EIF4ENIF1: variants seen among roughly 807,000 people sequenced by gnomAD.
EIF4ENIF1 encodes the protein eukaryotic translation initiation factor 4E nuclear import factor 1.
In EIF4ENIF1, 23 loss-of-function variants were observed where a neutral mutation model predicts 110.5. That is an observed-to-expected ratio of 0.21 (90% CI 0.15 to 0.29). EIF4ENIF1 has a LOEUF of 0.29. Ranked by LOEUF, EIF4ENIF1 falls within the 10% of genes least tolerant of loss-of-function variation. The probability of loss-of-function intolerance (pLI) is 1.00; values close to 1 mark genes in which losing one functional copy is unlikely to be tolerated. For missense variants in EIF4ENIF1, 1,031 were observed against 1,221.1 expected (o/e 0.84, Z 2.32); for synonymous variants, 440 against 437.0 (o/e 1.01, Z -0.09).
chr22:31,483,895 G>A (rs1327845813), intron 2 of EIF4ENIF1, among the ~76,000 whole-genome samples: 1 of 152,078 alleles, frequency 6.6e-6, no homozygotes, highest in Non-Finnish European at 1.5e-5. Flanking sequence ...AGACCCTCAG[G>A]GTAACAGGTG....
In EIF4ENIF1 at chr22:31,463,940, T is replaced by C. The variant is rs531392486; in HGVS notation, c.326A>G (p.Asp109Gly). 1 of 1,613,464 alleles carries C rather than the reference T, an allele frequency of 6.2e-7. No homozygotes were observed. The highest frequency in any genetic ancestry group is 2.2e-5 in the East Asian group (1 of 44,876). ...VDPRERVKEDDLDVVLSPQRR... is the reference protein window; with the variant it reads ...VDPRERVKEDGLDVVLSPQRR... ...CTGAGGGCTGAGAACAACATCTAAG[T>C]CATCTTCTTTCACACGCTCTCGTGG... is the stretch of plus-strand genomic sequence containing the variant. The change falls in exon 5 of 19, where the codon GAC becomes GGC. Residue 109 changes from aspartate (D) to glycine (G), a missense_variant. Asp to Gly is a moderately conservative substitution (Grantham distance 94). Transcript: ENST00000330125.
downstream of EIF4ENIF1, chr22:31,437,450 T>TCCCCCCCC (rs368145036): frequency 4.8e-5 from 6 of 125,002 alleles, no homozygotes; most frequent in Admixed American, 8.3e-5. Flanking sequence ...TTTGCCTTCA[T>TCCCCCCCC]CCCCCCCCCA....
Position 31,440,769 on chromosome 22 carries a change from A to ATT in EIF4ENIF1, c.2650_2651insAA (p.Leu884GlnfsTer3). On this transcript the variant is annotated frameshift_variant, in exon 18 of 19. Transcript: ENST00000330125. LOFTEE classifies it high-confidence loss of function. ...AGGTGTTCCAGGACGAGGGTTTAAG[A>ATT]GAGGGTGACTAGCAGCAGGTAAAGG... is the stretch of plus-strand genomic sequence containing the variant. 1 of 1,614,028 alleles carries ATT rather than the reference A, an allele frequency of 6.2e-7. No individual in the cohort carries two copies. The highest frequency in any genetic ancestry group is 8.5e-7 in the Non-Finnish European group (1 of 1,179,890).
chr22:31,446,285 CAAAA>C (rs3068275), intron 14 of EIF4ENIF1, among the ~76,000 whole-genome samples: 9 of 105,674 alleles, frequency 8.5e-5, no homozygotes, highest in Non-Finnish European at 1.8e-5. Context: ...AGATTGTCTC[CAAAA>C]AAAAAAAAAA....
chr22:31,491,825 G>A (rs1359200078), upstream of EIF4ENIF1, among the ~76,000 whole-genome samples: 1 of 152,172 alleles, frequency 6.6e-6, no homozygotes, highest in African/African-American at 2.4e-5. Flanking sequence ...TTACAGGCAT[G>A]AGCCACCACA....
chr22:31,440,599 G>A (rs1002474806), intron 18 of EIF4ENIF1, 105 bp downstream of exon 18: 34 of 1,362,736 alleles, frequency 2.5e-5, no homozygotes, highest in Non-Finnish European at 3.1e-5. Context: ...CTTAGAACAA[G>A]TTAAAGAATG....
rs922652336 is a variant in EIF4ENIF1, at chr22:31,456,369, G to A, written c.964-382C>T. Among the ~76,000 whole-genome samples, 267 of 151,030 alleles carry A rather than the reference G, an allele frequency of 1.8e-3. 2 individuals are homozygous for A. The highest frequency in any genetic ancestry group is 2.4e-3 in the Admixed American group (37 of 15,126). ...CTCCTGAGTAGCTGGGACTACAGGCGCCTGCCACCACGCCCGGCTAATTTT... is the reference window on the plus strand; with the variant it reads ...CTCCTGAGTAGCTGGGACTACAGGCACCTGCCACCACGCCCGGCTAATTTT... On this transcript the variant is annotated intron_variant, in intron 7 of 18. Coordinates refer to ENST00000330125, the MANE Select transcript of EIF4ENIF1 (RefSeq NM_019843.4).
intron 16 of EIF4ENIF1, among the ~76,000 whole-genome samples, chr22:31,442,572 TCA>T (rs2050336134): frequency 6.6e-6 from 1 of 152,184 alleles, no homozygotes; most frequent in African/African-American, 2.4e-5. Flanking sequence ...TAAAAGCCTC[TCA>T]CATATTTTCT....
chr22:31,448,928 A>T (rs1018383709), intron 12 of EIF4ENIF1, among the ~76,000 whole-genome samples: 8 of 149,918 alleles, frequency 5.3e-5, no homozygotes, highest in South Asian at 2.1e-4. Context: ...AGATTTCAAT[A>T]AAAAAAAAAT....
At chr22:31,491,695 T>G (rs886169703), upstream of EIF4ENIF1, among the ~76,000 whole-genome samples, 4 of 152,066 alleles carry the variant, frequency 2.6e-5, no homozygotes, top group Non-Finnish European at 5.9e-5. Flanking sequence ...CTCCTGCCAC[T>G]ACAGCAGGCT....
intron 14 of EIF4ENIF1, among the ~76,000 whole-genome samples, chr22:31,445,450 G>C (rs1454472772): frequency 2.0e-5 from 3 of 152,132 alleles, no homozygotes; most frequent in Non-Finnish European, 4.4e-5. Flanking sequence ...CTTCTTTCTA[G>C]TTAGTACCCC....
At chr22:31,491,902 T>TA (rs141791997), upstream of EIF4ENIF1, among the ~76,000 whole-genome samples, 751 of 152,338 alleles carry the variant, frequency 4.9e-3, 6 homozygotes, top group African/African-American at 0.017. Context: ...TACCTACTGT[T>TA]ACGTAACAAA....
chr22:31,465,441 TA>T lies in EIF4ENIF1; in HGVS notation c.299-1475del, dbSNP rs751243312. Among the ~76,000 whole-genome samples, 106 of 152,234 alleles carry T rather than the reference TA, an allele frequency of 7.0e-4. 1 individual carries two copies. Among genetic ancestry groups the T allele is most frequent in the East Asian group, 2.3e-3 (12 of 5,184 alleles). On this transcript the variant is annotated intron_variant, in intron 4 of 18. Coordinates refer to ENST00000330125, the MANE Select transcript of EIF4ENIF1 (RefSeq NM_019843.4). Reference sequence around the variant, plus strand: ...CATATGAAAAGATACTCAACATAATTAGTCATTAGGGAAATGCAAATTAAAC... The same window carrying T: ...CATATGAAAAGATACTCAACATAATTGTCATTAGGGAAATGCAAATTAAAC...
At chr22:31,484,116 T>TA (rs2051929884) in intron 2 of EIF4ENIF1, among the ~76,000 whole-genome samples, 1 of 152,114 alleles carries the variant, frequency 6.6e-6, no homozygotes, top group Non-Finnish European at 1.5e-5. Flanking sequence ...CCTTGATACT[T>TA]AAAGTATAGT....
In EIF4ENIF1 at chr22:31,489,744, CCCGCTGCCCGCACCGGTCCCAGCG is replaced by C. The variant is rs1408216392; in HGVS notation, c.-102_-79del. On this transcript the variant is annotated 5_prime_UTR_variant, in exon 1 of 19. Transcript: ENST00000330125. Reference sequence around the variant, plus strand: ...CTTTGCCTCGGCCGCCGCTCCCCTCCCCGCTGCCCGCACCGGTCCCAGCGCCGCTCCCCGCAGCCTTCGCTCTCG... The same window carrying C: ...CTTTGCCTCGGCCGCCGCTCCCCTCCCCGCTCCCCGCAGCCTTCGCTCTCG... The C allele has an allele frequency of 6.6e-6, 1 of 152,380 alleles. No individual in the cohort carries two copies. The highest frequency in any genetic ancestry group is 2.0e-4 in the South Asian group (1 of 4,968). 9.4% of individuals were successfully genotyped at this position (152,380 alleles called of 1,614,324 possible).
intron 10 of EIF4ENIF1, 125 bp from the exon 11 acceptor site, chr22:31,450,485 C>A: frequency 1.4e-6 from 1 of 702,498 alleles, no homozygotes; most frequent in Non-Finnish European, 2.4e-6. Flanking sequence ...ACTCAAGTCA[C>A]AGAAAACTTA....
intron 10 of EIF4ENIF1, chr22:31,450,843 C>CCACACACACACACA (rs1569073447): frequency 2.1e-5 from 2 of 96,912 alleles, no homozygotes; most frequent in South Asian, 5.3e-4. Context: ...TATATATATA[C>CCACACACACACACA]TACACACACA....
Position 31,455,240 on chromosome 22 carries a change from G to A in EIF4ENIF1, c.1175C>T (p.Ala392Val). 6.2e-7 allele frequency: 1 copy of A among 1,613,850 alleles called. No individual in the cohort carries two copies. Among genetic ancestry groups the A allele is most frequent in the African/African-American group, 1.3e-5 (1 of 74,992 alleles). The change falls in exon 9 of 19, where the codon GCT becomes GTT. Residue 392 changes from alanine (A) to valine (V), a missense_variant. Ala to Val is a moderately conservative substitution (Grantham distance 64). Around this residue, in one of 3 missense-constraint regions of EIF4ENIF1, gnomAD observed 704 missense variants for 879.7 expected, o/e 0.80. Transcript: ENST00000330125. ...YFAPIPLEDHAENKVDILEML... is the reference protein window; with the variant it reads ...YFAPIPLEDHVENKVDILEML... ...TTCTAAAATATCCACTTTATTTTCA[G>A]CATGGTCTTCCAATGGTATAGGAGC...
At chr22:31,444,824 A>G (rs1263913478) in intron 14 of EIF4ENIF1, 134 bp from the exon 15 acceptor site, 8 of 792,222 alleles carry the variant, frequency 1.0e-5, no homozygotes, top group Non-Finnish European at 1.5e-5. Flanking sequence ...CCAAGCATTT[A>G]GGCCTAACAT....
Sources: gnomAD v4.1 joint callset for allele counts (sites outside exome capture counted in the v4.1 genomes callset) on GRCh38, gnomAD v4.1.1 for gene constraint, gnomAD v4.1.1 regional missense constraint, MANE v1.5 for transcripts, NCBI Gene and HGNC (gene_info 2026-07-23, HGNC 2026-07-21) for gene names.